SHROOM3: variants seen among roughly 807,000 people sequenced by gnomAD.
SHROOM3 encodes shroom family member 3.
SHROOM3 carries 47 observed loss-of-function variants against 138.6 expected under a neutral mutation model. That is an observed-to-expected ratio of 0.34 (90% CI 0.27 to 0.43). The LOEUF (loss-of-function observed/expected upper bound fraction) is 0.43. Among genes scored for constraint, SHROOM3 ranks in the 20% least tolerant of loss-of-function variants. The pLI is 1.00. For missense variants in SHROOM3, 2,491 were observed against 2,596.5 expected, an observed-to-expected ratio of 0.96 and a Z score of 0.88; for synonymous variants, 1,062 against 1,063.3, an observed-to-expected ratio of 1.00 and a Z score of 0.02.
At chr4:76,653,787 G>A (rs1736010374) in intron 2 of SHROOM3, among the ~76,000 whole-genome samples, 1 of 151,932 alleles carries the variant, frequency 6.6e-6, no homozygotes, top group Admixed American at 6.6e-5. Context: ...GCTGGTCTCA[G>A]ACTCCCAGAC....
chr4:76,456,401 A>G lies in SHROOM3; in HGVS notation c.168+20181A>G, dbSNP rs111816062. 2.5e-3 allele frequency among the ~76,000 whole-genome samples: 384 copies of G among 152,370 alleles called. 1 individual carries two copies. The highest frequency in any genetic ancestry group is 4.2e-3 in the Non-Finnish European group (288 of 68,040). On this transcript the variant is annotated intron_variant, in intron 1 of 10. Transcript: ENST00000296043. ...CATGGATTCAACATAGTACTTGTAC[A>G]CATAGTACACACAGCAAATTCAAGT...
chr4:76,661,231 T>G (rs1279494101), intron 2 of SHROOM3, among the ~76,000 whole-genome samples: 3 of 151,984 alleles, frequency 2.0e-5, no homozygotes, highest in East Asian at 3.9e-4. Context: ...TATAATCCAT[T>G]TTCTTTTTTT....
chr4:76,727,135 T>C (rs751897282), intron 3 of SHROOM3, among the ~76,000 whole-genome samples: 6 of 152,236 alleles, frequency 3.9e-5, no homozygotes, highest in Non-Finnish European at 7.3e-5. Flanking sequence ...TGACAGTTTG[T>C]TCTTTCTCTT....
chr4:76,508,176 AG>A (rs1182916907), intron 1 of SHROOM3, among the ~76,000 whole-genome samples: 1 of 151,694 alleles, frequency 6.6e-6, no homozygotes, highest in African/African-American at 2.4e-5. Context: ...TTCTTCTGTA[AG>A]TTTATAGCTT....
At chr4:76,663,722 T>A (rs1306993468) in intron 2 of SHROOM3, among the ~76,000 whole-genome samples, 1 of 152,202 alleles carries the variant, frequency 6.6e-6, no homozygotes, top group African/African-American at 2.4e-5. Context: ...TAATTTCCAA[T>A]ATTTAAAACT....
chr4:76,558,659 C>T (rs888868915), intron 2 of SHROOM3, among the ~76,000 whole-genome samples: 6 of 152,238 alleles, frequency 3.9e-5, no homozygotes, highest in East Asian at 1.9e-4. Context: ...AGGATATAAA[C>T]CAGAATGCTA....
chr4:76,451,749 T>C (rs1398017), intron 1 of SHROOM3, among the ~76,000 whole-genome samples: 108,819 of 152,048 alleles, frequency 0.72, 39,252 homozygotes, highest in East Asian at 0.79. Context: ...AGAAATTGGC[T>C]ATTGGAAGCA....
At chr4:76,734,248 T>C (rs1026296273) in intron 4 of SHROOM3, among the ~76,000 whole-genome samples, 1 of 150,272 alleles carries the variant, frequency 6.7e-6, no homozygotes, top group African/African-American at 2.5e-5. Flanking sequence ...GAAAAAAAAG[T>C]TTCTGAGATC....
chr4:76,487,264 T>A (rs72657892), intron 1 of SHROOM3, among the ~76,000 whole-genome samples: 5,213 of 152,360 alleles, frequency 0.034, 102 homozygotes, highest in Middle Eastern at 0.071. Context: ...AAGTAGCATA[T>A]ATCAGTACTT....
At chr4:76,572,020 GC>G (rs1187627964) in intron 2 of SHROOM3, among the ~76,000 whole-genome samples, 1 of 151,852 alleles carries the variant, frequency 6.6e-6, no homozygotes, top group Non-Finnish European at 1.5e-5. Context: ...TCCATACTGC[GC>G]CCCCCAGCCC....
At chr4:76,446,759 C>A (rs1033773255) in intron 1 of SHROOM3, among the ~76,000 whole-genome samples, 5 of 152,168 alleles carry the variant, frequency 3.3e-5, no homozygotes, top group African/African-American at 1.2e-4. Context: ...TGATGAGCCC[C>A]GGTTATGAGC....
chr4:76,607,300 A>G (rs185135197), intron 2 of SHROOM3, among the ~76,000 whole-genome samples: 1 of 152,302 alleles, frequency 6.6e-6, no homozygotes, highest in East Asian at 1.9e-4. Context: ...GCTAGAGGGT[A>G]GAGACCTATT....
intron 3 of SHROOM3, among the ~76,000 whole-genome samples, chr4:76,720,164 T>G (rs1245394614): frequency 4.3e-5 from 6 of 140,884 alleles, no homozygotes; most frequent in Middle Eastern, 3.3e-3. Flanking sequence ...TTTTTTTTTT[T>G]TTTTTTTTTT....
intron 2 of SHROOM3, among the ~76,000 whole-genome samples, chr4:76,644,563 C>T (rs568797652): frequency 1.9e-4 from 28 of 148,902 alleles, no homozygotes; most frequent in Admixed American, 4.7e-4. Context: ...TCAGGACATA[C>T]GGGGTTTTTT....
intron 6 of SHROOM3, among the ~76,000 whole-genome samples, chr4:76,750,214 T>C (rs1721574284): frequency 6.6e-6 from 1 of 152,106 alleles, no homozygotes; most frequent in Non-Finnish European, 1.5e-5. Flanking sequence ...AATTAAATGC[T>C]AGAGACAAGG....
intron 1 of SHROOM3, among the ~76,000 whole-genome samples, chr4:76,527,172 A>G (rs1044728740): frequency 1.3e-5 from 2 of 152,196 alleles, no homozygotes; most frequent in African/African-American, 4.8e-5. Flanking sequence ...GTGACACCAC[A>G]GGTTGGAGGG....
intron 6 of SHROOM3, among the ~76,000 whole-genome samples, chr4:76,749,531 C>T (rs1395774479): frequency 6.6e-6 from 1 of 152,212 alleles, no homozygotes; most frequent in Non-Finnish European, 1.5e-5. Context: ...CAAATGGGGC[C>T]TCCTGTGTGG....
chr4:76,761,903 TTTG>T (rs1721998169), intron 9 of SHROOM3, among the ~76,000 whole-genome samples: 1 of 152,100 alleles, frequency 6.6e-6, no homozygotes, highest in Non-Finnish European at 1.5e-5. Flanking sequence ...TCAATAAACA[TTTG>T]TTTCATGAAG....
At chr4:76,704,636 G>A (rs1235061622) in intron 2 of SHROOM3, among the ~76,000 whole-genome samples, 1 of 152,172 alleles carries the variant, frequency 6.6e-6, no homozygotes, top group Non-Finnish European at 1.5e-5. Flanking sequence ...GTTGAAGGAG[G>A]GGCAGGAGCC....
Sources: gnomAD v4.1 joint callset for allele counts (sites outside exome capture counted in the v4.1 genomes callset) on GRCh38, gnomAD v4.1.1 for gene constraint, MANE v1.5 for transcripts, NCBI Gene and HGNC (gene_info 2026-07-23, HGNC 2026-07-21) for gene names.